SLC24A2: variants seen among roughly 807,000 people sequenced by gnomAD.
The protein encoded by SLC24A2 is sodium/potassium/calcium exchanger 2.
SLC24A2 carries 36 observed loss-of-function variants against 62.0 expected under a neutral mutation model. The observed-to-expected ratio is 0.58, with a 90% CI of 0.44 to 0.77. The LOEUF is 0.77. Among genes scored for constraint, SLC24A2 ranks in the 30% least tolerant of loss-of-function variants. The pLI is 0.00. For missense variants in SLC24A2, 846 were observed against 817.9 expected (o/e 1.03, Z -0.42); for synonymous variants, 358 against 294.0 (o/e 1.22, Z -2.23).
At chr9:20,034,442 G>A in the SLC24A2 span, among the ~76,000 whole-genome samples, 1 of 148,178 alleles carries the variant, frequency 6.7e-6, no homozygotes, top group Admixed American at 6.8e-5. Context: ...AAACACTCTG[G>A]CCTTTTAAGT....
At chr9:20,057,512 A>G in the SLC24A2 span, among the ~76,000 whole-genome samples, 28 of 151,946 alleles carry the variant, frequency 1.8e-4, no homozygotes, top group Middle Eastern at 0.017. Context: ...TGGAGAGAAA[A>G]CTCCACTTGC....
the SLC24A2 span, among the ~76,000 whole-genome samples, chr9:20,164,694 T>C: frequency 2.0e-5 from 3 of 151,992 alleles, no homozygotes; most frequent in Non-Finnish European, 4.4e-5. Context: ...CCTATGTTTA[T>C]TGTGGCACTA....
At chr9:19,697,002 G>C (rs1174385600) in intron 2 of SLC24A2, among the ~76,000 whole-genome samples, 1 of 151,896 alleles carries the variant, frequency 6.6e-6, no homozygotes, top group Non-Finnish European at 1.5e-5. Flanking sequence ...TTTCTTTTAA[G>C]TGTTCTTAAT....
intron 7 of SLC24A2, among the ~76,000 whole-genome samples, chr9:19,557,540 A>G (rs1313249142): frequency 6.6e-6 from 1 of 152,202 alleles, no homozygotes; most frequent in Admixed American, 6.5e-5. Context: ...ATTACCCTGT[A>G]GTGGTGTTGA....
the SLC24A2 span, among the ~76,000 whole-genome samples, chr9:20,262,449 T>C: frequency 6.6e-6 from 1 of 152,224 alleles, no homozygotes; most frequent in Admixed American, 6.5e-5. Flanking sequence ...GGCTCACAAG[T>C]AATTTTTTCA....
chr9:19,903,715 A>T, the SLC24A2 span, among the ~76,000 whole-genome samples: 2 of 152,144 alleles, frequency 1.3e-5, no homozygotes, highest in Non-Finnish European at 2.9e-5. Context: ...GGCATTAGAG[A>T]TGGATGGAGT....
the SLC24A2 span, among the ~76,000 whole-genome samples, chr9:20,261,180 T>C: frequency 6.6e-6 from 1 of 152,190 alleles, no homozygotes; most frequent in Admixed American, 6.5e-5. Flanking sequence ...CTTATGCCTT[T>C]GCATTCTCAT....
the SLC24A2 span, among the ~76,000 whole-genome samples, chr9:19,829,340 T>C: frequency 6.6e-6 from 1 of 152,170 alleles, no homozygotes; most frequent in African/African-American, 2.4e-5. Context: ...TCAGAGGTGA[T>C]AAGACCTAAG....
intron 2 of SLC24A2, among the ~76,000 whole-genome samples, chr9:19,629,821 A>T (rs920995942): frequency 1.4e-4 from 21 of 152,246 alleles, no homozygotes; most frequent in African/African-American, 4.8e-4. Context: ...AACAAGCTCA[A>T]AAAATGAAAA....
At chr9:20,164,364 G>GA in the SLC24A2 span, among the ~76,000 whole-genome samples, 2 of 151,766 alleles carry the variant, frequency 1.3e-5, no homozygotes, top group African/African-American at 2.4e-5. Context: ...TTTATGCAGC[G>GA]AAAAAAACAC....
Position 19,778,411 on chromosome 9 carries a change from A to G in SLC24A2, c.930+7526T>C, listed in dbSNP as rs553405858. Among the ~76,000 whole-genome samples the G allele has an allele frequency of 2.2e-4, 33 of 152,242 alleles. No individual in the cohort carries two copies. The South Asian group carries it at 6.4e-3, about 30-fold the overall frequency. The stretch of plus-strand genomic sequence containing the variant: ...GGAAGGGAGTTCAGAGAACTTCTCT[A>G]TCTGTAAGCTGAGACTCCTGAAGGG... On this transcript the variant is annotated intron_variant, in intron 2 of 10. Coordinates refer to ENST00000341998, the MANE Select transcript of SLC24A2 (RefSeq NM_020344.4).
chr9:19,763,992 T>G (rs922638990), intron 2 of SLC24A2, among the ~76,000 whole-genome samples: 1 of 152,118 alleles, frequency 6.6e-6, no homozygotes, highest in Admixed American at 6.6e-5. Flanking sequence ...ATTTCAGAAC[T>G]TGTTATTGGT....
the SLC24A2 span, among the ~76,000 whole-genome samples, chr9:19,884,466 A>C: frequency 2.0e-5 from 3 of 152,058 alleles, no homozygotes; most frequent in African/African-American, 7.2e-5. Context: ...AAGTTCTCCT[A>C]CTCTACACAT....
chr9:19,532,239 G>T (rs201060042), intron 8 of SLC24A2, among the ~76,000 whole-genome samples: 1 of 151,972 alleles, frequency 6.6e-6, no homozygotes, highest in Non-Finnish European at 1.5e-5. Flanking sequence ...GGATTACAGG[G>T]ATGTGCCACC....
At chr9:19,947,077 G>T in the SLC24A2 span, among the ~76,000 whole-genome samples, 1 of 152,184 alleles carries the variant, frequency 6.6e-6, no homozygotes, top group Admixed American at 6.5e-5. Flanking sequence ...CTTGGACTGG[G>T]TCAATACATG....
intron 2 of SLC24A2, among the ~76,000 whole-genome samples, chr9:19,692,876 A>C (rs1410114467): frequency 6.6e-6 from 1 of 152,112 alleles, no homozygotes; most frequent in Non-Finnish European, 1.5e-5. Flanking sequence ...CAATTAGCAA[A>C]TTGTCTCATT....
chr9:19,701,464 G>C (rs1820354568), intron 2 of SLC24A2, among the ~76,000 whole-genome samples: 1 of 152,190 alleles, frequency 6.6e-6, no homozygotes, highest in South Asian at 2.1e-4. Context: ...ACTTTGGGTG[G>C]AAGAACTCTG....
chr9:20,147,675 C>T, the SLC24A2 span, among the ~76,000 whole-genome samples: 1 of 152,048 alleles, frequency 6.6e-6, no homozygotes, highest in East Asian at 1.9e-4. Flanking sequence ...AAGAAGATCA[C>T]ATTGAGGCTT....
At chr9:20,129,437 CGAA>C in the SLC24A2 span, among the ~76,000 whole-genome samples, 6 of 151,972 alleles carry the variant, frequency 3.9e-5, no homozygotes, top group Non-Finnish European at 7.4e-5. Context: ...GTAATTTACA[CGAA>C]GAATTAAAAA....
Sources: gnomAD v4.1 joint callset for allele counts (sites outside exome capture counted in the v4.1 genomes callset) on GRCh38, gnomAD v4.1.1 for gene constraint, MANE v1.5 for transcripts, NCBI Gene and HGNC (gene_info 2026-07-23, HGNC 2026-07-21) for gene names.